Variants in PXDNL observed in about 807,000 individuals in gnomAD.
The protein encoded by PXDNL is peroxidasin like.
In PXDNL, 145 loss-of-function variants were observed where a neutral mutation model predicts 150.8. The observed-to-expected ratio is 0.96, with a 90% CI of 0.84 to 1.10. The LOEUF is 1.10. PXDNL is among the 50% of genes least tolerant of loss of function. The pLI, the probability that PXDNL is intolerant of heterozygous loss-of-function variation, is 0.00. For missense variants in PXDNL, 2,087 were observed against 1,873.9 expected (o/e 1.11, Z -2.10); for synonymous variants, 757 against 725.7 (o/e 1.04, Z -0.69).
At chr8:51,744,569 A>G (rs13262983) in intron 1 of PXDNL, among the ~76,000 whole-genome samples, 141,492 of 145,554 alleles carry the variant, frequency 0.97, 68,907 homozygotes, top group South Asian at 1. Flanking sequence ...CCAGCTACTC[A>G]GGAGGCTGAG....
intron 1 of PXDNL, among the ~76,000 whole-genome samples, chr8:51,741,015 G>A (rs1057269850): frequency 5.3e-5 from 8 of 152,220 alleles, no homozygotes; most frequent in Middle Eastern, 6.8e-3. Context: ...CAGCTGTTTC[G>A]AATAGTTTCA....
chr8:51,344,470 T>C (rs1449193879), intron 20 of PXDNL, among the ~76,000 whole-genome samples: 1 of 152,090 alleles, frequency 6.6e-6, no homozygotes, highest in Non-Finnish European at 1.5e-5. Context: ...TCTTTCAGAC[T>C]TGGACTCCCC....
At chr8:51,632,727 A>G (rs749364169) in intron 2 of PXDNL, among the ~76,000 whole-genome samples, 1 of 152,224 alleles carries the variant, frequency 6.6e-6, no homozygotes, top group Non-Finnish European at 1.5e-5. Flanking sequence ...AAGTAAGTCC[A>G]AAGTATTAAT....
chr8:51,429,304 G>A (rs975513661), intron 12 of PXDNL, among the ~76,000 whole-genome samples: 1 of 152,218 alleles, frequency 6.6e-6, no homozygotes, highest in African/African-American at 2.4e-5. Flanking sequence ...ATGTGGCCGG[G>A]TGCAGTGGCT....
rs1196196559 is a variant in PXDNL, at chr8:51,447,035, C to T, written c.1494G>A (p.Lys498=). 6.2e-7 allele frequency: 1 copy of T among 1,613,798 alleles called. No homozygotes were observed. The highest frequency in any genetic ancestry group is 2.2e-5 in the East Asian group (1 of 44,864). ...CQAVSSLGVK[K]VSVQLTVKPK... is the part of the protein sequence containing the mutation. ...GTTTTACAGTCAGCTGCACAGACAC[C>T]TTTTTCACCCCCAACGAACTGACTG... is the stretch of plus-strand genomic sequence containing the variant. The change falls in exon 12 of 23, where the codon AAG becomes AAA. Residue 498 remains lysine, a synonymous_variant. Coordinates refer to ENST00000356297, the MANE Select transcript of PXDNL (RefSeq NM_144651.5).
intron 19 of PXDNL, among the ~76,000 whole-genome samples, chr8:51,351,837 C>A (rs1806362815): frequency 6.6e-6 from 1 of 152,110 alleles, no homozygotes; most frequent in South Asian, 2.1e-4. Context: ...AGGCCCTCTC[C>A]ATAATAAATA....
intron 1 of PXDNL, among the ~76,000 whole-genome samples, chr8:51,720,191 TAA>T (rs74313593): frequency 1.4e-5 from 2 of 144,074 alleles, no homozygotes; most frequent in Middle Eastern, 3.6e-3. Flanking sequence ...TATTCCCTCC[TAA>T]AAAAAAAAAA....
At chr8:51,339,096 A>G (rs996241329) in intron 21 of PXDNL, among the ~76,000 whole-genome samples, 1 of 152,178 alleles carries the variant, frequency 6.6e-6, no homozygotes, top group Non-Finnish European at 1.5e-5. Context: ...GTTAGGTAGA[A>G]AGGATGAAGC....
At chr8:51,449,370 T>G (rs1294913094) in intron 10 of PXDNL, among the ~76,000 whole-genome samples, 1 of 152,226 alleles carries the variant, frequency 6.6e-6, no homozygotes, top group Non-Finnish European at 1.5e-5. Flanking sequence ...TTCTAAATCT[T>G]ACGGCAGCTG....
intron 2 of PXDNL, among the ~76,000 whole-genome samples, chr8:51,644,318 T>TTATATATATAGATATATA (rs1406776100): frequency 4.7e-5 from 3 of 63,270 alleles, no homozygotes; most frequent in Non-Finnish European, 8.3e-5. Context: ...AGGCACATTT[T>TTATATATATAGATATATA]TACATATATA....
intron 7 of PXDNL, 140 bp downstream of exon 7, chr8:51,474,832 G>T: frequency 5.1e-6 from 3 of 583,630 alleles, no homozygotes; most frequent in Non-Finnish European, 5.4e-6. Context: ...AAAGGAAATT[G>T]GCCATACTTT....
intron 2 of PXDNL, among the ~76,000 whole-genome samples, chr8:51,644,318 T>TTATATATATATA (rs1406776100): frequency 0.017 from 1,053 of 63,104 alleles, 302 homozygotes; most frequent in Middle Eastern, 0.041. Context: ...AGGCACATTT[T>TTATATATATATA]TACATATATA....
chr8:51,442,192 A>C (rs1809566919), intron 12 of PXDNL, among the ~76,000 whole-genome samples: 1 of 151,620 alleles, frequency 6.6e-6, no homozygotes, highest in Non-Finnish European at 1.5e-5. Context: ...TCCCACATTA[A>C]TTCCCAGATA....
chr8:51,614,526 C>G (rs1814092825), intron 2 of PXDNL, among the ~76,000 whole-genome samples: 1 of 152,166 alleles, frequency 6.6e-6, no homozygotes, highest in African/African-American at 2.4e-5. Context: ...CTGAATCACT[C>G]TGAACCTATT....
At chr8:51,353,012 AG>A (rs1255658896) in intron 19 of PXDNL, among the ~76,000 whole-genome samples, 1 of 152,198 alleles carries the variant, frequency 6.6e-6, no homozygotes, top group African/African-American at 2.4e-5. Context: ...GGTACAAAGA[AG>A]TATACAACTA....
intron 3 of PXDNL, among the ~76,000 whole-genome samples, chr8:51,560,581 T>C (rs1812698036): frequency 6.6e-6 from 1 of 151,860 alleles, no homozygotes; most frequent in African/African-American, 2.4e-5. Context: ...CAATAAATAG[T>C]GTTGGGAAAA....
intron 3 of PXDNL, among the ~76,000 whole-genome samples, chr8:51,588,497 A>G (rs1813375475): frequency 1.3e-5 from 2 of 152,224 alleles, no homozygotes; most frequent in Non-Finnish European, 2.9e-5. Context: ...AAGTTGTGTG[A>G]AATGATTTTT....
chr8:51,371,187 A>G (rs1373940868), intron 19 of PXDNL, among the ~76,000 whole-genome samples: 2 of 152,194 alleles, frequency 1.3e-5, no homozygotes, highest in African/African-American at 4.8e-5. Flanking sequence ...GTTTCAACAA[A>G]CAATACATCT....
At chr8:51,404,239 C>T (rs374526445) in intron 17 of PXDNL, among the ~76,000 whole-genome samples, 16 of 152,200 alleles carry the variant, frequency 1.1e-4, no homozygotes, top group African/African-American at 3.6e-4. Context: ...CGAAAGAGAC[C>T]GGAGTGGATT....
Sources: allele counts gnomAD v4.1 joint callset (sites outside exome capture counted in the v4.1 genomes callset), GRCh38; gene constraint gnomAD v4.1.1; transcripts MANE v1.5; gene names NCBI Gene and HGNC (gene_info 2026-07-23, HGNC 2026-07-21).